MROH2B: variants seen among roughly 807,000 people sequenced by gnomAD.
The protein encoded by MROH2B is maestro heat like repeat family member 2B.
MROH2B carries 177 observed loss-of-function variants against 208.6 expected under a neutral mutation model. That is an observed-to-expected ratio of 0.85 (90% CI 0.75 to 0.96). The LOEUF (loss-of-function observed/expected upper bound fraction) is 0.96, where lower values mean the gene tolerates loss of function less well. Among genes scored for constraint, MROH2B ranks in the 40% least tolerant of loss-of-function variants. The pLI is 0.00. For synonymous variants in MROH2B, 728 were observed against 659.0 expected, an observed-to-expected ratio of 1.10 and a Z score of -1.60; for missense variants, 2,002 against 1,878.7, an observed-to-expected ratio of 1.07 and a Z score of -1.21.
At position 40,998,135 on chromosome 5, in the gene MROH2B, G is replaced by A; in HGVS notation, c.4675C>T (p.Pro1559Ser). 1 of 1,611,766 alleles carries A rather than the reference G, an allele frequency of 6.2e-7. No individual in the cohort carries two copies. Among genetic ancestry groups the A allele is most frequent in the Non-Finnish European group, 8.5e-7 (1 of 1,178,280 alleles). ...TTRLQALRQDPCISVQRAAEA... is the reference protein window; with the variant it reads ...TTRLQALRQDSCISVQRAAEA... ...GCTGCTCTCTGGACACTAATACACGGATCTTGACGAAGTGCTTGGAGTCCT... is the reference window on the plus strand; with the variant it reads ...GCTGCTCTCTGGACACTAATACACGAATCTTGACGAAGTGCTTGGAGTCCT... Residue 1559 changes from proline to serine, a missense_variant, in exon 42 of 42, where the codon CCG becomes TCG. Physicochemically the swap from Pro to Ser is moderately conservative, Grantham distance 74. Transcript: ENST00000399564.
rs1367954877 is a variant in MROH2B, at chr5:41,007,311, T to G, written c.3749+3A>C. 7.1e-7 allele frequency: 1 copy of G among 1,399,058 alleles called. No individual in the cohort carries two copies. The highest frequency in any genetic ancestry group is 1.5e-5 in the African/African-American group (1 of 67,108). 86.7% of individuals were successfully genotyped at this position (1,399,058 alleles called of 1,614,324 possible). Reference sequence around the variant, plus strand: ...ATCTGGTTCTAGAAAAAGTGCACATTACCTGGCCAGTGAACATACGCCTAT... The same window carrying G: ...ATCTGGTTCTAGAAAAAGTGCACATGACCTGGCCAGTGAACATACGCCTAT... On this transcript the variant is annotated splice_donor_region_variant and intron_variant, in intron 34 of 41. Transcript: ENST00000399564.
intron 24 of MROH2B, among the ~76,000 whole-genome samples, chr5:41,022,082 G>T (rs1327710212): frequency 2.6e-5 from 4 of 152,134 alleles, no homozygotes; most frequent in Non-Finnish European, 1.5e-5. Flanking sequence ...TTCCAAGATG[G>T]CCGAATAGGA....
rs1354832229 is a variant in MROH2B, at chr5:41,004,886, T to C, written c.3899A>G (p.Asn1300Ser). The part of the protein sequence containing the change: ...MKEPILWKHG[N>S]LRNVLILMDQ... Reference sequence around the variant, plus strand: ...CATCAAGATCAGCACATTTCGCAGATTCCCATGCTTCCAAAGGATTGGTTC... The same window carrying C: ...CATCAAGATCAGCACATTTCGCAGACTCCCATGCTTCCAAAGGATTGGTTC... Residue 1300 changes from asparagine to serine, a missense_variant, in exon 36 of 42, where the codon AAT becomes AGT. Coordinates refer to ENST00000399564, the MANE Select transcript of MROH2B (RefSeq NM_173489.5). The C allele has an allele frequency of 4.3e-6, 7 of 1,613,866 alleles. No homozygotes were observed. The African/African-American group carries it at 5.3e-5, about 12-fold the overall frequency.
intron 32 of MROH2B, 95 bp from the exon 33 acceptor site, chr5:41,008,888 T>A: frequency 8.1e-7 from 1 of 1,242,010 alleles, no homozygotes; most frequent in Non-Finnish European, 1.1e-6. Context: ...TCTCCACCAG[T>A]AAAAACACAC....
chr5:41,001,552 A>T (rs549166516), intron 37 of MROH2B, among the ~76,000 whole-genome samples: 23 of 152,210 alleles, frequency 1.5e-4, no homozygotes, highest in East Asian at 9.7e-4. Context: ...CTCTACTAAA[A>T]ATATAAAAAT....
chr5:41,023,951 A>G (rs1055342459), intron 24 of MROH2B, among the ~76,000 whole-genome samples: 3 of 152,208 alleles, frequency 2.0e-5, no homozygotes, highest in Admixed American at 6.5e-5. Context: ...TAAATAAAGG[A>G]GAAATAAAAT....
In MROH2B at chr5:41,000,769, C is replaced by T; in HGVS notation, c.4259G>A (p.Arg1420Lys). The T allele has an allele frequency of 1.2e-6, 2 of 1,611,564 alleles. No individual in the cohort carries two copies. The highest frequency in any genetic ancestry group is 2.2e-5 in the South Asian group (2 of 90,288). Residue 1420 changes from arginine to lysine, a missense_variant, in exon 38 of 42, where the codon AGA (arginine) becomes AAA (lysine). By Grantham distance (26) the Arg-to-Lys change is conservative. Transcript: ENST00000399564. ...TTCAGCAAAAAAAATCTTCCACCTT[C>T]TTCCTGTTAGGGGTGCCAGGTCCTC... ...LFEDLAPLTG[R>K]RWKIFFAEEI...
chr5:41,026,578 G>A (rs916236768), intron 24 of MROH2B, among the ~76,000 whole-genome samples: 1 of 152,132 alleles, frequency 6.6e-6, no homozygotes, highest in Non-Finnish European at 1.5e-5. Context: ...TCATGGATAG[G>A]AAGAATCAAT....
rs534790251 is a variant in MROH2B, at chr5:41,021,585, A to T, written c.2442-2567T>A. ...AAAATAGTATGTAACTGGCATAAAG[A>T]CAGACATATAGGCCAGGTATGGTGG... On this transcript the variant is annotated intron_variant, in intron 24 of 41. Transcript: ENST00000399564. Among the ~76,000 whole-genome samples, 53 of 152,316 alleles carry T rather than the reference A, an allele frequency of 3.5e-4. No homozygotes were observed. In the East Asian group the frequency reaches 8.3e-3, roughly 24 times the overall value.
At chr5:41,003,528 A>G (rs765685389) in intron 37 of MROH2B, among the ~76,000 whole-genome samples, 1 of 152,208 alleles carries the variant, frequency 6.6e-6, no homozygotes, top group South Asian at 2.1e-4. Context: ...ATTCTATTCA[A>G]TACTTCTTGA....
chr5:41,048,432 G>A lies in MROH2B; in HGVS notation c.1576C>T (p.Arg526Cys), dbSNP rs1398976081. 10 of 1,613,222 alleles carry A rather than the reference G, an allele frequency of 6.2e-6. No homozygotes were observed. The East Asian group carries it at 6.7e-5, about 11-fold the overall frequency. Reference sequence around the variant, plus strand: ...AAAAGCCCTATTGCACCAGCCCCACGTAACTCCCCTAAACTGGCAGGCATA... The same window carrying A: ...AAAAGCCCTATTGCACCAGCCCCACATAACTCCCCTAAACTGGCAGGCATA... ...ISMPASLGEL[R>C]GAGAIGLLKI... Residue 526 changes from arginine (R) to cysteine (C), a missense_variant, in exon 16 of 42, where the codon CGT becomes TGT. Physicochemically the swap from Arg to Cys is radical, Grantham distance 180 (BLOSUM62 -3). Transcript: ENST00000399564.
rs748518035 is a variant in MROH2B, at chr5:41,004,859, T to G, written c.3926A>C (p.Asp1309Ala). Residue 1309 changes from aspartate to alanine, a missense_variant, in exon 36 of 42, where the codon GAT becomes GCT. Asp to Ala is a moderately radical substitution (Grantham distance 126). Transcript: ENST00000399564. ...GGCGTTGGAGTCCCAGGCACTTTGA[T>G]CCATCAAGATCAGCACATTTCGCAG... ...GNLRNVLILM[D>A]QSAWDSNATL... is the part of the protein sequence containing the mutation. 6.2e-7 allele frequency: 1 copy of G among 1,614,006 alleles called. No individual in the cohort carries two copies. Among genetic ancestry groups the G allele is most frequent in the Non-Finnish European group, 8.5e-7 (1 of 1,179,878 alleles).
intron 3 of MROH2B, 124 bp from the exon 4 acceptor site, chr5:41,065,614 G>A (rs1302265477): frequency 2.5e-6 from 2 of 789,812 alleles, no homozygotes; most frequent in Non-Finnish European, 3.8e-6. Flanking sequence ...TAGATTCAGG[G>A]GGTACATGTG....
chr5:41,024,805 T>G (rs1742290891), intron 24 of MROH2B, among the ~76,000 whole-genome samples: 1 of 152,136 alleles, frequency 6.6e-6, no homozygotes, highest in Non-Finnish European at 1.5e-5. Context: ...CCTCAGCAAA[T>G]GTAAAAGAAC....
intron 29 of MROH2B, 60 bp from the exon 30 acceptor site, chr5:41,012,795 T>C: frequency 1.9e-6 from 3 of 1,589,664 alleles, no homozygotes; most frequent in Non-Finnish European, 2.6e-6. Flanking sequence ...TCTAGATACT[T>C]ACAACATGCT....
chr5:41,017,445 C>T (rs1202894119), intron 28 of MROH2B, among the ~76,000 whole-genome samples: 2 of 151,980 alleles, frequency 1.3e-5, no homozygotes, highest in African/African-American at 4.8e-5. Context: ...GCTAATATGC[C>T]CAATTGCTTA....
intron 24 of MROH2B, 84 bp from the exon 25 acceptor site, chr5:41,019,102 C>T: frequency 6.5e-7 from 1 of 1,543,362 alleles, no homozygotes; most frequent in Non-Finnish European, 8.8e-7. Flanking sequence ...CTGCCAATCA[C>T]ATCTGACCAG....
In MROH2B at chr5:41,052,445, A is replaced by T; in HGVS notation, c.1230+20T>A. Reference sequence around the variant, plus strand: ...TGTACTTTTTATAGTGCATCACTCAAAACTGTAGCCTCTGCATACCAGATT... The same window carrying T: ...TGTACTTTTTATAGTGCATCACTCATAACTGTAGCCTCTGCATACCAGATT... On this transcript the variant is annotated intron_variant, in intron 12 of 41. Transcript: ENST00000399564. The T allele has an allele frequency of 6.2e-7, 1 of 1,600,810 alleles. No individual in the cohort carries two copies. Among genetic ancestry groups the T allele is most frequent in the Non-Finnish European group, 8.5e-7 (1 of 1,173,056 alleles).
chr5:41,002,442 A>G (rs1014893310), intron 37 of MROH2B, among the ~76,000 whole-genome samples: 1 of 152,220 alleles, frequency 6.6e-6, no homozygotes, highest in Admixed American at 6.5e-5. Context: ...CTACCATTTC[A>G]TTCAAGTGTC....
Sources: allele counts gnomAD v4.1 joint callset (sites outside exome capture counted in the v4.1 genomes callset), GRCh38; gene constraint gnomAD v4.1.1; transcripts MANE v1.5; gene names NCBI Gene and HGNC (gene_info 2026-07-23, HGNC 2026-07-21).